Variants in PLCB1 observed in about 807,000 individuals in gnomAD.
PLCB1 encodes 1-phosphatidylinositol 4,5-bisphosphate phosphodiesterase beta-1.
Under a neutral mutation model 161.8 loss-of-function variants are expected in PLCB1, and 46 were observed. The ratio of observed to expected loss-of-function variants is 0.28; its 90% confidence interval spans 0.22 to 0.36. PLCB1 has a LOEUF of 0.36. Among genes scored for constraint, PLCB1 ranks in the 10% least tolerant of loss-of-function variants. The pLI, the probability that PLCB1 is intolerant of heterozygous loss-of-function variation, is 1.00. For missense variants in PLCB1, 1,016 were observed against 1,472.5 expected (o/e 0.69, Z 5.07); for synonymous variants, 517 against 503.7 (o/e 1.03, Z -0.35).
intron 2 of PLCB1, among the ~76,000 whole-genome samples, chr20:8,340,741 CAT>C (rs1263719651): frequency 6.6e-6 from 1 of 152,126 alleles, no homozygotes; most frequent in Non-Finnish European, 1.5e-5. Flanking sequence ...AGTTTTAACA[CAT>C]AGAGTACCTC....
intron 9 of PLCB1, among the ~76,000 whole-genome samples, chr20:8,677,585 A>G (rs1168146028): frequency 2.6e-5 from 4 of 152,156 alleles, no homozygotes; most frequent in Non-Finnish European, 1.5e-5. Context: ...TGAAATTTTA[A>G]GAAACGGGGA....
intron 31 of PLCB1, among the ~76,000 whole-genome samples, chr20:8,873,823 T>TA (rs1286327003): frequency 6.6e-6 from 1 of 151,374 alleles, no homozygotes; most frequent in African/African-American, 2.4e-5. Flanking sequence ...CAGAAACACT[T>TA]ACGTTTTATT....
At chr20:8,435,283 T>A (rs1980248271) in intron 3 of PLCB1, among the ~76,000 whole-genome samples, 1 of 152,174 alleles carries the variant, frequency 6.6e-6, no homozygotes, top group African/African-American at 2.4e-5. Flanking sequence ...ATCCCATCCG[T>A]TGGTGTCCAT....
At chr20:8,141,456 T>A (rs1203636801) in intron 1 of PLCB1, among the ~76,000 whole-genome samples, 1 of 151,906 alleles carries the variant, frequency 6.6e-6, no homozygotes, top group African/African-American at 2.4e-5. Context: ...AAACCCCGTC[T>A]CTACTAGAAT....
At chr20:8,648,297 G>A (rs1989220220) in intron 6 of PLCB1, among the ~76,000 whole-genome samples, 1 of 152,178 alleles carries the variant, frequency 6.6e-6, no homozygotes, top group South Asian at 2.1e-4. Flanking sequence ...CTACCAAGAT[G>A]GCTGTAGCCC....
intron 2 of PLCB1, among the ~76,000 whole-genome samples, chr20:8,238,021 C>T (rs557229581): frequency 6.6e-5 from 10 of 152,110 alleles, no homozygotes; most frequent in African/African-American, 1.9e-4. Flanking sequence ...TAAAATTATT[C>T]TCAAAGACGA....
intron 31 of PLCB1, among the ~76,000 whole-genome samples, chr20:8,879,659 T>C (rs1423684208): frequency 6.6e-6 from 1 of 152,114 alleles, no homozygotes; most frequent in East Asian, 1.9e-4. Context: ...TTGGGATAGA[T>C]AAGGGATTAC....
At chr20:8,179,189 T>C (rs2051813264) in intron 2 of PLCB1, among the ~76,000 whole-genome samples, 2 of 152,222 alleles carry the variant, frequency 1.3e-5, no homozygotes, top group African/African-American at 2.4e-5. Flanking sequence ...GGCAGTTTGA[T>C]AAGAATAGCA....
At chr20:8,252,648 T>C (rs1981209362) in intron 2 of PLCB1, among the ~76,000 whole-genome samples, 1 of 151,958 alleles carries the variant, frequency 6.6e-6, no homozygotes, top group South Asian at 2.1e-4. Context: ...TTCAATAAAA[T>C]CTCATTAGCT....
rs751490407 is a variant in PLCB1 at position 8,657,225 on chromosome 20, C to T, written c.636C>T (p.Tyr212=). The T allele has an allele frequency of 6.2e-7, 1 of 1,610,346 alleles. No individual in the cohort carries two copies. The highest frequency in any genetic ancestry group is 8.5e-7 in the Non-Finnish European group (1 of 1,176,828). ...AAGAAGATTTCACTCCAGAAGTGTA[C>T]AGAGTTTTCCTCAACAACCTTTGCC... ...IPQEDFTPEV[Y]RVFLNNLCPR... Residue 212 remains tyrosine, a synonymous_variant, in exon 8 of 32, where the codon TAC becomes TAT. Coordinates refer to ENST00000338037, the MANE Select transcript of PLCB1 (RefSeq NM_015192.4).
chr20:8,617,485 T>C (rs1333095138), intron 3 of PLCB1, among the ~76,000 whole-genome samples: 1 of 152,174 alleles, frequency 6.6e-6, no homozygotes, highest in Non-Finnish European at 1.5e-5. Flanking sequence ...TCAGGGTGGC[T>C]TGAAATTGGC....
At chr20:8,398,789 T>G (rs1299186634) in intron 3 of PLCB1, among the ~76,000 whole-genome samples, 2 of 152,140 alleles carry the variant, frequency 1.3e-5, no homozygotes, top group African/African-American at 2.4e-5. Context: ...ATCTGGTATT[T>G]CGTCCTTTTT....
intron 3 of PLCB1, among the ~76,000 whole-genome samples, chr20:8,387,369 C>T (rs951781923): frequency 6.6e-6 from 1 of 152,092 alleles, no homozygotes; most frequent in Non-Finnish European, 1.5e-5. Flanking sequence ...AGGGTGGCCC[C>T]AGGAGAGGGA....
chr20:8,366,938 T>A (rs377412979), intron 2 of PLCB1, among the ~76,000 whole-genome samples: 9 of 152,340 alleles, frequency 5.9e-5, no homozygotes, highest in South Asian at 2.1e-4. Context: ...AAGATGTATC[T>A]AATGTTATGA....
intron 2 of PLCB1, among the ~76,000 whole-genome samples, chr20:8,166,773 C>T (rs1030297734): frequency 1.3e-5 from 2 of 152,234 alleles, no homozygotes; most frequent in Admixed American, 1.3e-4. Context: ...CTTTTGTGCT[C>T]CGTCCACAAT....
chr20:8,829,177 A>G (rs1171302307), intron 31 of PLCB1, among the ~76,000 whole-genome samples: 1 of 152,186 alleles, frequency 6.6e-6, no homozygotes, highest in Non-Finnish European at 1.5e-5. Flanking sequence ...CTCCTGGAAT[A>G]CATTTCATGT....
intron 3 of PLCB1, among the ~76,000 whole-genome samples, chr20:8,522,293 C>T (rs917002314): frequency 2.0e-5 from 3 of 152,134 alleles, no homozygotes; most frequent in Admixed American, 2.0e-4. Flanking sequence ...AAATCATTTT[C>T]TAAGAATCTC....
chr20:8,132,960 C>A lies in PLCB1; in HGVS notation c.99+210C>A, dbSNP rs1446907303. Reference sequence around the variant, plus strand: ...CTGTTTCATCGGGCTTCAGTAGTTGCCATCCTTTCTGGGTCTGGCAGGCGC... The same window carrying A: ...CTGTTTCATCGGGCTTCAGTAGTTGACATCCTTTCTGGGTCTGGCAGGCGC... On this transcript the variant is annotated intron_variant, in intron 1 of 31. Transcript: ENST00000338037. The surrounding 1 kb of genome is among the most constrained non-coding windows in gnomAD (Gnocchi z 5.2). Among the ~76,000 whole-genome samples the A allele has an allele frequency of 6.6e-6, 1 of 152,154 alleles. No individual in the cohort carries two copies. The highest frequency in any genetic ancestry group is 2.4e-5 in the African/African-American group (1 of 41,448).
intron 29 of PLCB1, 91 bp from the exon 30 acceptor site, chr20:8,789,427 A>G: frequency 1.2e-6 from 1 of 827,676 alleles, no homozygotes; most frequent in Non-Finnish European, 2.1e-6. Context: ...GAATGTTGAG[A>G]GTTCTGTAAC....
Sources: gnomAD v4.1 joint callset for allele counts (sites outside exome capture counted in the v4.1 genomes callset) on GRCh38, gnomAD v4.1.1 for gene constraint, Gnocchi (gnomAD v3.1) non-coding constraint, MANE v1.5 for transcripts, NCBI Gene and HGNC (gene_info 2026-07-23, HGNC 2026-07-21) for gene names.